Variants in TERB2 observed in about 807,000 individuals in gnomAD.
TERB2 encodes telomere repeat binding bouquet formation protein 2.
Under a neutral mutation model 29.8 loss-of-function variants are expected in TERB2, and 26 were observed. The observed-to-expected ratio is 0.87, with a 90% confidence interval of 0.64 to 1.21. The LOEUF (loss-of-function observed/expected upper bound fraction) is 1.21. Among genes scored for constraint, TERB2 ranks in the 50% most tolerant of loss-of-function variants. The pLI is 0.00. For synonymous variants in TERB2, 80 were observed against 90.8 expected, an observed-to-expected ratio of 0.88 and a Z score of 0.68; for missense variants, 240 against 268.6, an observed-to-expected ratio of 0.89 and a Z score of 0.74.
chr15:44,957,625 TCACTGA>T (rs1217193565), intron 2 of TERB2, among the ~76,000 whole-genome samples: 1 of 152,198 alleles, frequency 6.6e-6, no homozygotes, highest in African/African-American at 2.4e-5. Context: ...TTCTTCATCC[TCACTGA>T]CACTAACTTA....
At chr15:44,959,690 T>G (rs1891772576) in intron 3 of TERB2, among the ~76,000 whole-genome samples, 1 of 152,116 alleles carries the variant, frequency 6.6e-6, no homozygotes, top group Non-Finnish European at 1.5e-5. Context: ...AACTAGCCCA[T>G]GGGTAGGTTT....
At chr15:44,965,450 A>G (rs1208215454) in intron 4 of TERB2, among the ~76,000 whole-genome samples, 1 of 142,936 alleles carries the variant, frequency 7.0e-6, no homozygotes, top group Non-Finnish European at 1.5e-5. Flanking sequence ...ATAAATATAT[A>G]TTTATAAAGA....
At chr15:44,971,390 T>C (rs1254873756) in intron 5 of TERB2, among the ~76,000 whole-genome samples, 1 of 152,186 alleles carries the variant, frequency 6.6e-6, no homozygotes, top group Non-Finnish European at 1.5e-5. Flanking sequence ...GATATTTTAA[T>C]TGATTCTAAG....
At chr15:44,961,109 G>C (rs1425886482) in intron 3 of TERB2, among the ~76,000 whole-genome samples, 1 of 149,470 alleles carries the variant, frequency 6.7e-6, no homozygotes, top group Non-Finnish European at 1.5e-5. Context: ...TATATCTAAT[G>C]ATACAGATAT....
rs147747280 is a variant in TERB2, at chr15:44,971,674, G to A, written c.435-2193G>A. 1.2e-3 allele frequency among the ~76,000 whole-genome samples: 185 copies of A among 152,050 alleles called. 1 individual carries two copies. Among genetic ancestry groups the A allele is most frequent in the Non-Finnish European group, 2.0e-3 (134 of 68,000 alleles). On this transcript the variant is annotated intron_variant, in intron 5 of 6. Coordinates refer to ENST00000340827, the MANE Select transcript of TERB2 (RefSeq NM_152448.3). ...GGAGGCTGAGGCAGGAAAATGGCCT[G>A]AACCTGGGAGGCCTGAGCTTGCAGT...
chr15:44,971,685 G>T (rs12593734), intron 5 of TERB2, among the ~76,000 whole-genome samples: 26,442 of 151,766 alleles, frequency 0.17, 2,595 homozygotes, highest in East Asian at 0.34. Context: ...AACCTGGGAG[G>T]CCTGAGCTTG....
chr15:44,963,369 A>G (rs1002667627), intron 4 of TERB2, among the ~76,000 whole-genome samples: 3 of 152,198 alleles, frequency 2.0e-5, no homozygotes, highest in African/African-American at 7.2e-5. Context: ...TTTAACCCGA[A>G]TTTAATTATG....
In TERB2 at chr15:44,969,049, A is replaced by C. The variant is rs368421882; in HGVS notation, c.434+2806A>C. 3.3e-4 allele frequency among the ~76,000 whole-genome samples: 50 copies of C among 152,110 alleles called. 1 individual carries two copies. The highest frequency in any genetic ancestry group is 1.2e-3 in the African/African-American group (49 of 41,512). ...GGAGTTCAGGCAATCCTCCCACCTC[A>C]GCCTCCTGAGTAGCTAGGACCGCAG... On this transcript the variant is annotated intron_variant, in intron 5 of 6. Coordinates refer to ENST00000340827, the MANE Select transcript of TERB2 (RefSeq NM_152448.3).
At chr15:44,977,960 C>G (rs112026402) in intron 6 of TERB2, among the ~76,000 whole-genome samples, 9 of 152,092 alleles carry the variant, frequency 5.9e-5, no homozygotes, top group African/African-American at 2.2e-4. Flanking sequence ...TTTTGGATAA[C>G]TAATTGACAT....
intron 2 of TERB2, 85 bp downstream of exon 2, chr15:44,957,062 G>A: frequency 7.1e-7 from 1 of 1,399,626 alleles, no homozygotes; most frequent in East Asian, 2.4e-5. Context: ...AATAAATATT[G>A]ATGAGGCTGG....
At chr15:44,966,832 C>T (rs747491130) in intron 5 of TERB2, among the ~76,000 whole-genome samples, 3 of 152,056 alleles carry the variant, frequency 2.0e-5, no homozygotes, top group East Asian at 1.9e-4. Flanking sequence ...GGCATTGTGC[C>T]GCATGCTTGT....
At chr15:44,976,479 A>C (rs955592825) in intron 6 of TERB2, among the ~76,000 whole-genome samples, 12 of 152,210 alleles carry the variant, frequency 7.9e-5, no homozygotes, top group African/African-American at 2.7e-4. Flanking sequence ...TGCTTCCCTC[A>C]GAGTGAAAAA....
chr15:44,975,864 G>A (rs181030363), intron 6 of TERB2, among the ~76,000 whole-genome samples: 161 of 152,264 alleles, frequency 1.1e-3, no homozygotes, highest in Middle Eastern at 0.01. Flanking sequence ...AAGAAGTTCT[G>A]ATTGACATTT....
intron 6 of TERB2, 84 bp downstream of exon 6, chr15:44,974,039 A>T (rs1892008479): frequency 7.9e-7 from 1 of 1,262,132 alleles, no homozygotes; most frequent in Non-Finnish European, 1.0e-6. Flanking sequence ...TGTACTTCAG[A>T]TACCTAGAGA....
At chr15:44,960,274 G>T (rs1891780213) in intron 3 of TERB2, among the ~76,000 whole-genome samples, 1 of 152,086 alleles carries the variant, frequency 6.6e-6, no homozygotes, top group African/African-American at 2.4e-5. Context: ...TCTGCCTATT[G>T]TCTAGTAGAA....
intron 3 of TERB2, among the ~76,000 whole-genome samples, chr15:44,961,207 TATATATATAC>T (rs1891798018): frequency 6.9e-6 from 1 of 145,304 alleles, no homozygotes. Flanking sequence ...TATATATATA[TATATATATAC>T]ACACACACAC....
chr15:44,973,921 T>G lies in TERB2; in HGVS notation c.489T>G (p.Pro163=), dbSNP rs750831980. Residue 163 remains proline (P), a synonymous_variant, in exon 6 of 7, where the codon CCT becomes CCG. Transcript: ENST00000340827. ...TTGTAGAAAAGCAGATGTACTTCCC[T>G]CTACAGAATTACCCAGTTAACAACA... ...TPVVEKQMYF[P]LQNYPVNNMV... 3 of 1,602,002 alleles carry G rather than the reference T, an allele frequency of 1.9e-6. No homozygotes were observed. The highest frequency in any genetic ancestry group is 2.6e-6 in the Non-Finnish European group (3 of 1,173,286).
intron 4 of TERB2, among the ~76,000 whole-genome samples, chr15:44,963,286 C>T (rs1891834778): frequency 6.6e-6 from 1 of 152,236 alleles, no homozygotes; most frequent in Admixed American, 6.5e-5. Context: ...TTGGAGCAAC[C>T]TTTCATTATG....
At chr15:44,976,098 GT>G (rs1892043525) in intron 6 of TERB2, 1 of 152,182 alleles carries the variant, frequency 6.6e-6, no homozygotes, top group Non-Finnish European at 1.5e-5. Context: ...GTCTCACTGT[GT>G]TGCCCAGGCT....
Sources: gnomAD v4.1 joint callset for allele counts (sites outside exome capture counted in the v4.1 genomes callset) on GRCh38, gnomAD v4.1.1 for gene constraint, MANE v1.5 for transcripts, NCBI Gene and HGNC (gene_info 2026-07-23, HGNC 2026-07-21) for gene names.